Variants in GPR39 observed in about 807,000 individuals in gnomAD.
GPR39 encodes the protein zinc sensing receptor.
GPR39 carries 23 observed loss-of-function variants against 18.4 expected under a neutral mutation model. The ratio of observed to expected loss-of-function variants is 1.25; its 90% CI spans 0.90 to 1.77. GPR39 has a LOEUF of 1.77. Ranked by LOEUF, GPR39 falls within the 40% of genes most tolerant of loss-of-function variation. The pLI is 0.00. For synonymous variants in GPR39, 280 were observed against 257.9 expected (o/e 1.09, Z -0.82); for missense variants, 647 against 602.4 (o/e 1.07, Z -0.78).
At chr2:132,478,227 G>T (rs1051030167) in intron 1 of GPR39, among the ~76,000 whole-genome samples, 7 of 152,214 alleles carry the variant, frequency 4.6e-5, no homozygotes, top group African/African-American at 1.4e-4. Flanking sequence ...GAGGGGAGGA[G>T]TTATGTCTTA....
chr2:132,579,618 T>C (rs1321567148), intron 1 of GPR39, among the ~76,000 whole-genome samples: 1 of 152,182 alleles, frequency 6.6e-6, no homozygotes, highest in East Asian at 1.9e-4. Context: ...TTTTGCTACC[T>C]TCTGGTCTTA....
intron 1 of GPR39, among the ~76,000 whole-genome samples, chr2:132,534,168 A>G (rs1478415168): frequency 6.6e-6 from 1 of 152,242 alleles, no homozygotes; most frequent in African/African-American, 2.4e-5. Flanking sequence ...CCCATCAAAA[A>G]GTGGGCGAAG....
At chr2:132,557,086 G>C (rs34136745) in intron 1 of GPR39, among the ~76,000 whole-genome samples, 18,809 of 78,520 alleles carry the variant, frequency 0.24, 1,932 homozygotes, top group East Asian at 0.67. Flanking sequence ...GAGGCCAAGG[G>C]GGGGGGCAGA....
At chr2:132,546,132 T>G (rs1679944587) in intron 1 of GPR39, among the ~76,000 whole-genome samples, 1 of 152,128 alleles carries the variant, frequency 6.6e-6, no homozygotes, top group Admixed American at 6.5e-5. Flanking sequence ...AGTTGGTGAG[T>G]GGAGAAAAAT....
intron 1 of GPR39, among the ~76,000 whole-genome samples, chr2:132,620,490 C>T (rs1681422837): frequency 6.6e-6 from 1 of 152,208 alleles, no homozygotes. Flanking sequence ...AGTTTCACTG[C>T]AAACCCTGCC....
At chr2:132,448,548 G>A (rs1573607075) in intron 1 of GPR39, among the ~76,000 whole-genome samples, 2 of 152,278 alleles carry the variant, frequency 1.3e-5, no homozygotes, top group African/African-American at 2.4e-5. Flanking sequence ...CTTCCTTAAC[G>A]GCTTTCTTAA....
At chr2:132,565,941 G>A (rs1190753834) in intron 1 of GPR39, among the ~76,000 whole-genome samples, 2 of 140,236 alleles carry the variant, frequency 1.4e-5, no homozygotes, top group African/African-American at 5.4e-5. Context: ...GGGTCAAATG[G>A]TATTTCTAGT....
intron 1 of GPR39, among the ~76,000 whole-genome samples, chr2:132,515,105 G>A (rs1330879642): frequency 6.6e-6 from 1 of 152,186 alleles, no homozygotes; most frequent in Non-Finnish European, 1.5e-5. Context: ...ATTTATTGGT[G>A]GCAGGGGCCA....
chr2:132,440,524 T>C (rs1680416948), intron 1 of GPR39, among the ~76,000 whole-genome samples: 1 of 152,040 alleles, frequency 6.6e-6, no homozygotes, highest in African/African-American at 2.4e-5. Context: ...GGAAGAACAA[T>C]TGGAAATGGC....
chr2:132,523,080 T>A (rs2104768408), intron 1 of GPR39, among the ~76,000 whole-genome samples: 1 of 152,338 alleles, frequency 6.6e-6, no homozygotes, highest in South Asian at 2.1e-4. Context: ...GAGCCATCTT[T>A]ACTCTGTAAA....
chr2:132,632,727 A>G (rs1681672654), intron 1 of GPR39, among the ~76,000 whole-genome samples: 1 of 152,176 alleles, frequency 6.6e-6, no homozygotes, highest in East Asian at 1.9e-4. Flanking sequence ...GTAAGGTTTA[A>G]ATAAGCAAGT....
At chr2:132,638,437 G>A (rs1681803303) in intron 1 of GPR39, among the ~76,000 whole-genome samples, 1 of 152,140 alleles carries the variant, frequency 6.6e-6, no homozygotes, top group African/African-American at 2.4e-5. Context: ...CCAGATTGTG[G>A]GCCACACCCT....
chr2:132,537,921 T>C (rs1679788210), intron 1 of GPR39, among the ~76,000 whole-genome samples: 1 of 152,070 alleles, frequency 6.6e-6, no homozygotes, highest in African/African-American at 2.4e-5. Flanking sequence ...CTCTCTAAAC[T>C]GGTTATTCTG....
At chr2:132,502,910 C>T (rs1679073280) in intron 1 of GPR39, among the ~76,000 whole-genome samples, 1 of 152,056 alleles carries the variant, frequency 6.6e-6, no homozygotes, top group South Asian at 2.1e-4. Flanking sequence ...CCTTGATTTC[C>T]AGAAGTTGTG....
At chr2:132,547,890 AT>A (rs1679977145) in intron 1 of GPR39, among the ~76,000 whole-genome samples, 1 of 152,070 alleles carries the variant, frequency 6.6e-6, no homozygotes, top group African/African-American at 2.4e-5. Flanking sequence ...CCCATAATAT[AT>A]TTTCTCAGTA....
At chr2:132,586,618 G>T (rs1680736849) in intron 1 of GPR39, among the ~76,000 whole-genome samples, 1 of 152,240 alleles carries the variant, frequency 6.6e-6, no homozygotes, top group Non-Finnish European at 1.5e-5. Context: ...CCACAGCAGA[G>T]CTGCTGAATT....
At chr2:132,425,559 A>G (rs1397911306) in intron 1 of GPR39, among the ~76,000 whole-genome samples, 1 of 152,202 alleles carries the variant, frequency 6.6e-6, no homozygotes, top group Non-Finnish European at 1.5e-5. Flanking sequence ...TCCATAAGGT[A>G]TACGTATCTT....
intron 1 of GPR39, among the ~76,000 whole-genome samples, chr2:132,427,376 G>A (rs1450853512): frequency 6.7e-6 from 1 of 149,658 alleles, no homozygotes; most frequent in Admixed American, 6.7e-5. Flanking sequence ...CACTGTGTTA[G>A]CCAGGATGTC....
At chr2:132,546,127 G>C (rs1679944405) in intron 1 of GPR39, among the ~76,000 whole-genome samples, 1 of 152,218 alleles carries the variant, frequency 6.6e-6, no homozygotes, top group Non-Finnish European at 1.5e-5. Context: ...TTAAGAGTTG[G>C]TGAGTGGAGA....
Sources: allele counts gnomAD v4.1 joint callset (sites outside exome capture counted in the v4.1 genomes callset), GRCh38; gene constraint gnomAD v4.1.1; transcripts MANE v1.5; gene names NCBI Gene and HGNC (gene_info 2026-07-23, HGNC 2026-07-21).